Variants in PDZRN4 observed in about 807,000 individuals in gnomAD.
PDZRN4 encodes the protein PDZ domain containing ring finger 4.
Under a neutral mutation model 99.0 loss-of-function variants are expected in PDZRN4, and 70 were observed. The observed-to-expected ratio is 0.71, with a 90% CI of 0.58 to 0.86. The LOEUF (loss-of-function observed/expected upper bound fraction) is 0.86. Among genes scored for constraint, PDZRN4 ranks in the 40% least tolerant of loss-of-function variants. The pLI is 0.00. For synonymous variants in PDZRN4, 551 were observed against 501.6 expected (o/e 1.10, Z -1.32); for missense variants, 1,474 against 1,331.2 (o/e 1.11, Z -1.67).
intron 3 of PDZRN4, chr12:41,437,590 C>A (rs975939606): frequency 3.3e-6 from 1 of 305,624 alleles, no homozygotes; most frequent in Non-Finnish European, 5.5e-6. Flanking sequence ...TATGACACCC[C>A]TCCCTGCTAA....
chr12:41,194,920 G>T (rs970967387), intron 3 of PDZRN4, among the ~76,000 whole-genome samples: 1 of 151,912 alleles, frequency 6.6e-6, no homozygotes, highest in Non-Finnish European at 1.5e-5. Flanking sequence ...TGTAGAGTTT[G>T]GAATAAATTA....
chr12:41,466,563 C>T (rs1952927506), intron 3 of PDZRN4, among the ~76,000 whole-genome samples: 1 of 152,128 alleles, frequency 6.6e-6, no homozygotes, highest in African/African-American at 2.4e-5. Flanking sequence ...TTTGGGCTTT[C>T]CTTCTCTCCA....
At chr12:41,406,163 T>C (rs922587592) in intron 3 of PDZRN4, among the ~76,000 whole-genome samples, 4 of 152,180 alleles carry the variant, frequency 2.6e-5, no homozygotes, top group Admixed American at 6.5e-5. Flanking sequence ...CTGCTTTTTT[T>C]TGAGTGATGA....
chr12:41,493,149 A>G lies in PDZRN4; in HGVS notation c.844-13307A>G, dbSNP rs571812809. On this transcript the variant is annotated intron_variant, in intron 3 of 9. Transcript: ENST00000402685. ...AAAGCCACAAGTTAGCTGCATGTGCACTTAAACTGAAGTTATCTCTGCAGT... is the reference window on the plus strand; with the variant it reads ...AAAGCCACAAGTTAGCTGCATGTGCGCTTAAACTGAAGTTATCTCTGCAGT... Among the ~76,000 whole-genome samples, 89 of 152,322 alleles carry G rather than the reference A, an allele frequency of 5.8e-4. 1 individual carries two copies. Among genetic ancestry groups the G allele is most frequent in the African/African-American group, 2.0e-3 (82 of 41,596 alleles).
At chr12:41,572,309 C>A (rs759014226) in intron 9 of PDZRN4, 55 bp from the exon 10 acceptor site, 730 of 1,454,908 alleles carry the variant, frequency 5.0e-4, no homozygotes, top group Non-Finnish European at 6.6e-4. Flanking sequence ...TTTTTAATAA[C>A]AAATGTCTTC....
intron 3 of PDZRN4, among the ~76,000 whole-genome samples, chr12:41,223,166 G>A (rs1007778121): frequency 6.6e-6 from 1 of 152,120 alleles, no homozygotes; most frequent in African/African-American, 2.4e-5. Flanking sequence ...TAGACTCTAT[G>A]AGAAGCAACA....
chr12:41,364,347 C>G (rs1475031052), intron 3 of PDZRN4, among the ~76,000 whole-genome samples: 4 of 152,030 alleles, frequency 2.6e-5, no homozygotes, highest in South Asian at 2.1e-4. Context: ...TGCCATACTA[C>G]ATGCCTCATA....
At chr12:41,399,207 C>G (rs1227180088) in intron 3 of PDZRN4, among the ~76,000 whole-genome samples, 1 of 151,592 alleles carries the variant, frequency 6.6e-6, no homozygotes, top group Non-Finnish European at 1.5e-5. Flanking sequence ...ATATTGATTG[C>G]CAAAAATAAC....
In PDZRN4 at chr12:41,307,149, C is replaced by A. The variant is rs1040885399; in HGVS notation, c.843+112961C>A. The stretch of plus-strand genomic sequence containing the variant: ...TATTTGTTATAGCAGCACCCTATTT[C>A]TCAGTACCAATTCCTATCTTATTCT... On this transcript the variant is annotated intron_variant, in intron 3 of 9. Transcript: ENST00000402685. Among the ~76,000 whole-genome samples, 4 of 152,238 alleles carry A rather than the reference C, an allele frequency of 2.6e-5. No homozygotes were observed. In the South Asian group the frequency reaches 8.3e-4, roughly 32 times the overall value.
chr12:41,346,069 T>C (rs968940716), intron 3 of PDZRN4, among the ~76,000 whole-genome samples: 1 of 152,188 alleles, frequency 6.6e-6, no homozygotes, highest in Admixed American at 6.5e-5. Flanking sequence ...GTACAGATGA[T>C]GAAAGTGAAC....
At chr12:41,451,259 G>A (rs1952771942) in intron 3 of PDZRN4, among the ~76,000 whole-genome samples, 1 of 151,548 alleles carries the variant, frequency 6.6e-6, no homozygotes, top group East Asian at 1.9e-4. Flanking sequence ...TCTACCTTCT[G>A]AATAAAAATG....
intron 7 of PDZRN4, among the ~76,000 whole-genome samples, chr12:41,560,982 G>A (rs1373404881): frequency 3.9e-5 from 6 of 152,108 alleles, no homozygotes; most frequent in Admixed American, 3.9e-4. Context: ...TTTCATCCCA[G>A]GTACGATCCT....
At chr12:41,278,149 C>T (rs1241271502) in intron 3 of PDZRN4, among the ~76,000 whole-genome samples, 1 of 152,118 alleles carries the variant, frequency 6.6e-6, no homozygotes, top group African/African-American at 2.4e-5. Flanking sequence ...TCCCTTTTAC[C>T]TTTTGTTATA....
At chr12:41,567,735 A>T (rs893757170) in intron 8 of PDZRN4, 48 bp from the exon 9 acceptor site, 4 of 1,230,116 alleles carry the variant, frequency 3.3e-6, no homozygotes, top group East Asian at 2.4e-5. Flanking sequence ...CTATTTTAAC[A>T]TGAGTTCTCA....
At chr12:41,262,717 GA>G (rs112073370) in intron 3 of PDZRN4, among the ~76,000 whole-genome samples, 19,423 of 152,028 alleles carry the variant, frequency 0.13, 2,209 homozygotes, top group African/African-American at 0.31. Context: ...AACTCAAGGG[GA>G]AACTAGTCAT....
chr12:41,439,932 A>G (rs2120464913), intron 3 of PDZRN4, among the ~76,000 whole-genome samples: 1 of 152,308 alleles, frequency 6.6e-6, no homozygotes, highest in South Asian at 2.1e-4. Flanking sequence ...TGGAATAGAT[A>G]AGATATCAAA....
At chr12:41,369,737 AATGTTTGC>A (rs1163630589) in intron 3 of PDZRN4, among the ~76,000 whole-genome samples, 1 of 152,028 alleles carries the variant, frequency 6.6e-6, no homozygotes, top group African/African-American at 2.4e-5. Context: ...AAACCAGAAT[AATGTTTGC>A]TCTTTATAAA....
intron 3 of PDZRN4, among the ~76,000 whole-genome samples, chr12:41,205,010 T>G (rs932120028): frequency 6.6e-6 from 1 of 151,960 alleles, no homozygotes; most frequent in African/African-American, 2.4e-5. Context: ...TTAAAAGACA[T>G]TTAATTATTT....
chr12:41,427,716 A>C (rs1952549161), intron 3 of PDZRN4, among the ~76,000 whole-genome samples: 1 of 152,148 alleles, frequency 6.6e-6, no homozygotes, highest in South Asian at 2.1e-4. Context: ...CATGATGGAA[A>C]AAAGTGGGAA....
Sources: allele counts gnomAD v4.1 joint callset (sites outside exome capture counted in the v4.1 genomes callset), GRCh38; gene constraint gnomAD v4.1.1; transcripts MANE v1.5; gene names NCBI Gene and HGNC (gene_info 2026-07-23, HGNC 2026-07-21).